The following XIRP2 variants were observed in gnomAD, a reference collection of about 807,000 sequenced individuals.
XIRP2 encodes xin actin-binding repeat-containing protein 2.
XIRP2 carries 236 observed loss-of-function variants against 277.0 expected under a neutral mutation model. The ratio of observed to expected loss-of-function variants is 0.85; its 90% confidence interval spans 0.77 to 0.95. The LOEUF is 0.95. Among genes scored for constraint, XIRP2 ranks in the 40% least tolerant of loss-of-function variants. The pLI, the probability that XIRP2 is intolerant of heterozygous loss-of-function variation, is 0.00. For missense variants in XIRP2, 4,640 were observed against 4,157.5 expected (o/e 1.12, Z -3.19); for synonymous variants, 1,490 against 1,416.5 (o/e 1.05, Z -1.17).
At chr2:167,146,863 T>C (rs1691877764) in intron 3 of XIRP2, among the ~76,000 whole-genome samples, 1 of 151,924 alleles carries the variant, frequency 6.6e-6, no homozygotes. Context: ...AAAAGAGAAA[T>C]GTAGAATTAA....
Position 167,026,389 on chromosome 2 carries a change from A to T in XIRP2, c.409-109520A>T, listed in dbSNP as rs182468428. ...GGGTTTCCTGAATACAGCACACTGA[A>T]GGGTCTTGACTCTTTATCCAATTTT... On this transcript the variant is annotated intron_variant, in intron 2 of 10. Coordinates refer to ENST00000409195, the MANE Select transcript of XIRP2 (RefSeq NM_152381.6). 3.2e-3 allele frequency among the ~76,000 whole-genome samples: 492 copies of T among 152,140 alleles called. 4 individuals are homozygous for T. Among genetic ancestry groups the T allele is most frequent in the African/African-American group, 0.011 (463 of 41,544 alleles).
intron 2 of XIRP2, among the ~76,000 whole-genome samples, chr2:166,953,171 G>A (rs1686077298): frequency 6.6e-6 from 1 of 151,902 alleles, no homozygotes; most frequent in Non-Finnish European, 1.5e-5. Flanking sequence ...AATGTGCAGT[G>A]TACGTTGTAA....
In XIRP2 at chr2:167,243,199, A is replaced by T; in HGVS notation, c.1807A>T (p.Ile603Phe). The change falls in exon 9 of 11, where the codon ATT (isoleucine) becomes TTT (phenylalanine). Residue 603 changes from isoleucine to phenylalanine, a missense_variant. Coordinates refer to ENST00000409195, the MANE Select transcript of XIRP2 (RefSeq NM_152381.6). ...TGATGAAGGTGATATTTCCAGGGGC[A>T]TTGCTGATCAAGAAATCATTGCTGG... is the stretch of plus-strand genomic sequence containing the variant. Reference protein sequence around the residue: ...SPDEGDISRGIADQEIIAGGD... With the variant: ...SPDEGDISRGFADQEIIAGGD... The T allele has an allele frequency of 6.2e-7, 1 of 1,614,130 alleles. No homozygotes were observed. The highest frequency in any genetic ancestry group is 8.5e-7 in the Non-Finnish European group (1 of 1,179,988).
At chr2:167,054,529 C>T (rs1186006734) in intron 2 of XIRP2, among the ~76,000 whole-genome samples, 1 of 152,146 alleles carries the variant, frequency 6.6e-6, no homozygotes, top group African/African-American at 2.4e-5. Flanking sequence ...GCTAAAAATA[C>T]AAAAATTAGC....
intron 2 of XIRP2, among the ~76,000 whole-genome samples, chr2:166,995,720 G>T (rs540001121): frequency 6.6e-6 from 1 of 152,278 alleles, no homozygotes; most frequent in South Asian, 2.1e-4. Context: ...AAATTTCTTA[G>T]CAGGTGTAGA....
rs747964174 is a variant in XIRP2 at position 167,246,873 on chromosome 2, A to G, written c.5481A>G (p.Thr1827=). The G allele has an allele frequency of 2.9e-5, 46 of 1,613,612 alleles. No homozygotes were observed. The highest frequency in any genetic ancestry group is 3.5e-5 in the Non-Finnish European group (41 of 1,179,824). The change falls in exon 9 of 11, where the codon ACA becomes ACG. Residue 1827 remains threonine (T), a synonymous_variant. Transcript: ENST00000409195. The stretch of plus-strand genomic sequence containing the variant: ...TTTTTATGACCGAGCCTCAGAGTAC[A>G]TTTGGTAAGATACCCAAAGAAGAGA... ...VKVFMTEPQS[T]FGKIPKEEII... is the part of the protein sequence containing the mutation.
chr2:167,097,498 T>C (rs1031400850), intron 2 of XIRP2, among the ~76,000 whole-genome samples: 1 of 152,206 alleles, frequency 6.6e-6, no homozygotes. Flanking sequence ...TGGTGTTGAC[T>C]CTTTATCCAA....
chr2:167,068,531 T>C (rs1286188787), intron 2 of XIRP2, among the ~76,000 whole-genome samples: 1 of 152,182 alleles, frequency 6.6e-6, no homozygotes. Context: ...CAGAAAATCT[T>C]ATTTTGTGAA....
Position 167,247,374 on chromosome 2 carries a change from A to G in XIRP2, c.5982A>G (p.Ala1994=). 1 of 1,613,784 alleles carries G rather than the reference A, an allele frequency of 6.2e-7. No homozygotes were observed. Among genetic ancestry groups the G allele is most frequent in the Non-Finnish European group, 8.5e-7 (1 of 1,179,810 alleles). The part of the protein sequence containing the change: ...FEPAAKWQGG[A]DTLSQTMGKS... Reference sequence around the variant, plus strand: ...CAGCGGCCAAGTGGCAAGGGGGAGCAGATACTCTCAGTCAAACTATGGGGA... The same window carrying G: ...CAGCGGCCAAGTGGCAAGGGGGAGCGGATACTCTCAGTCAAACTATGGGGA... Residue 1994 remains alanine (A), a synonymous_variant, in exon 9 of 11, where the codon GCA becomes GCG. Transcript: ENST00000409195.
rs139140026 is a variant in XIRP2, at chr2:166,897,814, T to C, written c.-18-5651T>C. Among the ~76,000 whole-genome samples, 220 of 152,158 alleles carry C rather than the reference T, an allele frequency of 1.4e-3. 8 individuals carry two copies. The East Asian group carries it at 0.039, about 27-fold the overall frequency. ...GCAGGCCAAGCAGATAATCAGCAGCTGGTGGCAAGGCCATGCAGTGGGGGT... is the reference window on the plus strand; with the variant it reads ...GCAGGCCAAGCAGATAATCAGCAGCCGGTGGCAAGGCCATGCAGTGGGGGT... On this transcript the variant is annotated intron_variant, in intron 1 of 10. Transcript: ENST00000409195.
intron 2 of XIRP2, among the ~76,000 whole-genome samples, chr2:167,052,086 G>A (rs1688927155): frequency 6.6e-6 from 1 of 151,956 alleles, no homozygotes; most frequent in South Asian, 2.1e-4. Flanking sequence ...CAGAAAAAAA[G>A]ATAAGCAAGA....
chr2:166,969,549 A>T (rs1254911028), intron 2 of XIRP2, among the ~76,000 whole-genome samples: 1 of 151,926 alleles, frequency 6.6e-6, no homozygotes, highest in Admixed American at 6.6e-5. Flanking sequence ...TACAATAAAA[A>T]AAAAACTCCC....
At chr2:167,123,924 A>G (rs1301934893) in intron 2 of XIRP2, 1 of 152,166 alleles carries the variant, frequency 6.6e-6, no homozygotes, top group African/African-American at 2.4e-5. Flanking sequence ...ACTAAAGTGG[A>G]TGGATGTGCT....
chr2:166,985,129 T>C lies in XIRP2; in HGVS notation c.408+81239T>C, dbSNP rs544359695. Among the ~76,000 whole-genome samples the C allele has an allele frequency of 4.6e-5, 7 of 152,308 alleles. No homozygotes were observed. In the South Asian group the frequency reaches 6.2e-4, roughly 14 times the overall value. ...ATTTAGTCCATAATAAAAACAGTGG[T>C]TGGGGTAATGCTAAACACATACTAC... On this transcript the variant is annotated intron_variant, in intron 2 of 10. Transcript: ENST00000409195.
At chr2:167,065,076 A>G (rs1689269247) in intron 2 of XIRP2, among the ~76,000 whole-genome samples, 1 of 151,982 alleles carries the variant, frequency 6.6e-6, no homozygotes, top group Non-Finnish European at 1.5e-5. Flanking sequence ...AGGAACTGAT[A>G]TACTGTGTTC....
intron 2 of XIRP2, among the ~76,000 whole-genome samples, chr2:167,128,208 T>C (rs923120204): frequency 5.9e-5 from 9 of 152,192 alleles, no homozygotes; most frequent in African/African-American, 1.9e-4. Flanking sequence ...TTCCCTCTAG[T>C]CCCCTTCTCA....
intron 2 of XIRP2, among the ~76,000 whole-genome samples, chr2:166,973,318 A>G (rs1360158549): frequency 6.6e-6 from 1 of 152,234 alleles, no homozygotes; most frequent in East Asian, 1.9e-4. Context: ...AGAAAACATT[A>G]TAGAATTTCT....
At chr2:166,939,794 T>C (rs1049196201) in intron 2 of XIRP2, among the ~76,000 whole-genome samples, 4 of 152,092 alleles carry the variant, frequency 2.6e-5, no homozygotes, top group Non-Finnish European at 4.4e-5. Context: ...TTCTGGCTTG[T>C]AGAGTTTCTG....
At chr2:167,212,915 A>G (rs935874284) in intron 4 of XIRP2, among the ~76,000 whole-genome samples, 5 of 24,272 alleles carry the variant, frequency 2.1e-4, no homozygotes, top group African/African-American at 5.9e-4. Flanking sequence ...ACCCCTCTGC[A>G]CACACACACA....
Sources: allele counts gnomAD v4.1 joint callset (sites outside exome capture counted in the v4.1 genomes callset), GRCh38; gene constraint gnomAD v4.1.1; transcripts MANE v1.5; gene names NCBI Gene and HGNC (gene_info 2026-07-23, HGNC 2026-07-21).